The following STK32A variants were observed in gnomAD, a reference collection of about 807,000 sequenced individuals.
STK32A encodes serine/threonine kinase 32A.
A neutral mutation model predicts 53.2 loss-of-function variants in STK32A; 41 were observed. The ratio of observed to expected loss-of-function variants is 0.77; its 90% CI spans 0.60 to 1.00. STK32A has a LOEUF of 1.00. Ranked by LOEUF, STK32A falls within the 50% of genes least tolerant of loss-of-function variation. The probability of loss-of-function intolerance (pLI) is 0.00; values close to 1 mark genes in which losing one functional copy is unlikely to be tolerated. For synonymous variants in STK32A, 166 were observed against 162.8 expected (o/e 1.02, Z -0.15); for missense variants, 458 against 485.8 (o/e 0.94, Z 0.54).
chr5:147,282,678 C>T (rs1752120949), intron 4 of STK32A, among the ~76,000 whole-genome samples: 1 of 151,976 alleles, frequency 6.6e-6, no homozygotes, highest in Non-Finnish European at 1.5e-5. Context: ...AAAGTAACAG[C>T]AGTTAAAAGA....
the STK32A span, chr5:147,394,021 T>C: frequency 6.2e-7 from 1 of 1,613,782 alleles, no homozygotes; most frequent in Non-Finnish European, 8.5e-7. Context: ...CCCCTCTCTT[T>C]GAGGAAGGCT....
At chr5:147,399,408 C>G in the STK32A span, among the ~76,000 whole-genome samples, 2 of 152,130 alleles carry the variant, frequency 1.3e-5, no homozygotes, top group South Asian at 2.1e-4. Context: ...TCAGCAAGCT[C>G]GAATTAGCTG....
At chr5:147,268,004 A>G in intron 2 of STK32A, among the ~76,000 whole-genome samples, 1 of 152,218 alleles carries the variant, frequency 6.6e-6, no homozygotes, top group Non-Finnish European at 1.5e-5. Flanking sequence ...GATCTTTGAA[A>G]ATACAGATTC....
At chr5:147,260,834 T>C (rs190248524) in intron 2 of STK32A, among the ~76,000 whole-genome samples, 36 of 152,280 alleles carry the variant, frequency 2.4e-4, no homozygotes, top group African/African-American at 7.9e-4. Flanking sequence ...CGTCCAGCAG[T>C]AGGATGTCAC....
chr5:147,329,205 T>G (rs191699320), intron 5 of STK32A, among the ~76,000 whole-genome samples: 145 of 152,338 alleles, frequency 9.5e-4, no homozygotes, highest in African/African-American at 3.5e-3. Context: ...TTGCCTTCTT[T>G]GCTGTTCTCA....
intron 2 of STK32A, among the ~76,000 whole-genome samples, chr5:147,268,760 A>G (rs751730741): frequency 2.0e-5 from 3 of 152,172 alleles, no homozygotes; most frequent in Non-Finnish European, 4.4e-5. Flanking sequence ...TTCCAATCCT[A>G]GACCAAGGCA....
At chr5:147,367,355 C>T (rs1220167687) in intron 8 of STK32A, among the ~76,000 whole-genome samples, 2 of 152,060 alleles carry the variant, frequency 1.3e-5, no homozygotes, top group Non-Finnish European at 2.9e-5. Context: ...TGTGAGCCGC[C>T]GCACCTGGTC....
chr5:147,306,596 G>T (rs1019018666), intron 4 of STK32A, among the ~76,000 whole-genome samples: 1 of 151,178 alleles, frequency 6.6e-6, no homozygotes, highest in Non-Finnish European at 1.5e-5. Flanking sequence ...AAAATCAACA[G>T]ATTTTAATTA....
chr5:147,332,090 C>A (rs1276581007), intron 5 of STK32A, among the ~76,000 whole-genome samples: 2 of 152,142 alleles, frequency 1.3e-5, no homozygotes, highest in African/African-American at 2.4e-5. Context: ...ATTTTTTAAT[C>A]TTTGCTTCTC....
rs527537501 is a variant in STK32A, at chr5:147,314,522, A to G, written c.261-9376A>G. ...TCAAAAAAAACAAAAAAAAACAAAA[A>G]AAAACAAAAAAAAAAAAAGAACAAA... On this transcript the variant is annotated intron_variant, in intron 4 of 12. Transcript: ENST00000397936. Among the ~76,000 whole-genome samples the G allele has an allele frequency of 5.7e-4, 11 of 19,340 alleles. 4 individuals are homozygous for G. The highest frequency in any genetic ancestry group is 1.3e-3 in the African/African-American group (10 of 7,506). 12.7% of individuals were successfully genotyped at this position (19,340 alleles called of 152,430 possible).
At chr5:147,348,755 C>A in intron 6 of STK32A, 1 of 764,454 alleles carries the variant, frequency 1.3e-6, no homozygotes, top group Non-Finnish European at 2.4e-6. Context: ...AGCCCAGGCA[C>A]ATGTATTTTG....
At chr5:147,398,857 T>C in the STK32A span, among the ~76,000 whole-genome samples, 1 of 152,208 alleles carries the variant, frequency 6.6e-6, no homozygotes, top group Non-Finnish European at 1.5e-5. Context: ...AGGAAGCCTC[T>C]ATTGGCCTCT....
the STK32A span, chr5:147,395,596 A>T: frequency 6.2e-7 from 1 of 1,613,814 alleles, no homozygotes; most frequent in Non-Finnish European, 8.5e-7. Context: ...GATTCCTCAC[A>T]GGTGGGTTCG....
At position 147,353,724 on chromosome 5, in the gene STK32A, C is replaced by T. The variant is rs143225753; in HGVS notation, c.562+2570C>T. On this transcript the variant is annotated intron_variant, in intron 7 of 12. Transcript: ENST00000397936. ...GCAGTGAGCCGAGACTGTGTCACTG[C>T]ACTCCAGCCTGGCGACAGAGTGAGA... 3.1e-3 allele frequency among the ~76,000 whole-genome samples: 478 copies of T among 152,198 alleles called. 3 individuals are homozygous for T. Among genetic ancestry groups the T allele is most frequent in the African/African-American group, 0.011 (461 of 41,528 alleles).
chr5:147,327,559 C>G (rs904305450), intron 5 of STK32A, among the ~76,000 whole-genome samples: 1 of 152,196 alleles, frequency 6.6e-6, no homozygotes, highest in African/African-American at 2.4e-5. Context: ...TACCCGTAAA[C>G]AGTCAGCACT....
rs115939698 is a variant in STK32A at position 147,290,235 on chromosome 5, T to C, written c.260+10837T>C. On this transcript the variant is annotated intron_variant, in intron 4 of 12. Coordinates refer to ENST00000397936, the MANE Select transcript of STK32A (RefSeq NM_001112724.2). Reference sequence around the variant, plus strand: ...AAGAACTGTGTGTGTGGTGTGTGGGTATGTATGTGTTGGGGTTTCAGAGAA... The same window carrying C: ...AAGAACTGTGTGTGTGGTGTGTGGGCATGTATGTGTTGGGGTTTCAGAGAA... Among the ~76,000 whole-genome samples the C allele has an allele frequency of 9.6e-3, 1,463 of 152,058 alleles. 29 individuals carry two copies. The highest frequency in any genetic ancestry group is 0.034 in the African/African-American group (1,401 of 41,486).
chr5:147,270,345 T>A (rs4235725), intron 2 of STK32A, among the ~76,000 whole-genome samples: 89,118 of 151,500 alleles, frequency 0.59, 26,580 homozygotes, highest in African/African-American at 0.67. Context: ...CCCAAGTAGA[T>A]GGGACCACAG....
chr5:147,322,292 C>G (rs985999259), intron 4 of STK32A, among the ~76,000 whole-genome samples: 8 of 152,194 alleles, frequency 5.3e-5, no homozygotes, highest in African/African-American at 1.9e-4. Flanking sequence ...CCTCTAAGAG[C>G]TAAATTTTTC....
intron 2 of STK32A, among the ~76,000 whole-genome samples, chr5:147,240,480 T>C (rs1305599554): frequency 6.6e-6 from 1 of 152,180 alleles, no homozygotes; most frequent in Non-Finnish European, 1.5e-5. Context: ...TGGACTGAAA[T>C]TCAGGAAATC....
Sources: allele counts gnomAD v4.1 joint callset (sites outside exome capture counted in the v4.1 genomes callset), GRCh38; gene constraint gnomAD v4.1.1; transcripts MANE v1.5; gene names NCBI Gene and HGNC (gene_info 2026-07-23, HGNC 2026-07-21).